Variants in SBSPON observed in about 807,000 individuals in gnomAD.
SBSPON encodes the protein somatomedin-B and thrombospondin type-1 domain-containing protein.
SBSPON carries 30 observed loss-of-function variants against 35.8 expected under a neutral mutation model. That is an observed-to-expected ratio of 0.84 (90% CI 0.63 to 1.14). The LOEUF (loss-of-function observed/expected upper bound fraction) is 1.14. Ranked by LOEUF, SBSPON falls within the 50% of genes most tolerant of loss-of-function variation. The pLI, the probability that SBSPON is intolerant of heterozygous loss-of-function variation, is 0.00. For missense variants in SBSPON, 364 were observed against 357.7 expected (o/e 1.02, Z -0.14); for synonymous variants, 136 against 135.9 (o/e 1.00, Z 0.00).
At chr8:73,090,568 G>T (rs1227211758) in intron 1 of SBSPON, among the ~76,000 whole-genome samples, 3 of 152,332 alleles carry the variant, frequency 2.0e-5, no homozygotes, top group East Asian at 1.9e-4. Flanking sequence ...GGCAGGCTCA[G>T]TCCCACCAAG....
chr8:73,067,243 G>A lies in SBSPON; in HGVS notation c.*98C>T. 1 of 714,472 alleles carries A rather than the reference G, an allele frequency of 1.4e-6. No homozygotes were observed. The highest frequency in any genetic ancestry group is 2.1e-5 in the Admixed American group (1 of 47,034). The allele number at this position is 714,472 out of a possible 1,614,324, so 44.3% of individuals were successfully genotyped here. On this transcript the variant is annotated 3_prime_UTR_variant, in exon 5 of 5. Coordinates refer to ENST00000297354, the MANE Select transcript of SBSPON (RefSeq NM_153225.4). Reference sequence around the variant, plus strand: ...TCAGAGTGTGGCAATGATGTGTTTGGGGACTTTGGCCAAAATTGAAGGTTT... The same window carrying A: ...TCAGAGTGTGGCAATGATGTGTTTGAGGACTTTGGCCAAAATTGAAGGTTT...
chr8:73,082,504 T>C (rs1317736510), intron 1 of SBSPON, among the ~76,000 whole-genome samples: 1 of 152,208 alleles, frequency 6.6e-6, no homozygotes, highest in East Asian at 1.9e-4. Flanking sequence ...AAGGGTCCCA[T>C]GCAACATAAA....
At position 73,064,683 on chromosome 8, in the gene SBSPON, G is replaced by A. The variant is rs1425689644; in HGVS notation, c.*2658C>T. On this transcript the variant is annotated 3_prime_UTR_variant, in exon 5 of 5. Transcript: ENST00000297354. The stretch of plus-strand genomic sequence containing the variant: ...GTTTATGCTTAATTGTAACATTCTC[G>A]AATAAAAACCAAAGCAAAACTCCAA... 7.9e-5 allele frequency: 12 copies of A among 152,000 alleles called. No individual in the cohort carries two copies. The highest frequency in any genetic ancestry group is 1.5e-4 in the African/African-American group (6 of 41,376). The allele number at this position is 152,000 out of a possible 1,614,324, so 9.4% of individuals were successfully genotyped here.
chr8:73,082,382 T>G (rs1301750913), intron 1 of SBSPON, among the ~76,000 whole-genome samples: 1 of 152,210 alleles, frequency 6.6e-6, no homozygotes, highest in East Asian at 1.9e-4. Context: ...ATTCATAATG[T>G]TTCCCACAAG....
intron 2 of SBSPON, among the ~76,000 whole-genome samples, chr8:73,074,935 A>T (rs1476419803): frequency 6.6e-6 from 1 of 152,250 alleles, no homozygotes; most frequent in Non-Finnish European, 1.5e-5. Context: ...TTCATCAGAA[A>T]ACTGAGGCTC....
chr8:73,081,014 A>T lies in SBSPON; in HGVS notation c.409+5T>A, dbSNP rs199870758. On this transcript the variant is annotated splice_donor_5th_base_variant and intron_variant, in intron 2 of 4. Coordinates refer to ENST00000297354, the MANE Select transcript of SBSPON (RefSeq NM_153225.4). ...CAAAGGCAGCAACCATGAAAACATC[A>T]GTACCATAGGTGTGCCCGCAGTCCT... The T allele has an allele frequency of 1.3e-5, 21 of 1,569,522 alleles. No homozygotes were observed. In the African/African-American group the frequency reaches 2.9e-4, roughly 21 times the overall value.
intron 1 of SBSPON, among the ~76,000 whole-genome samples, chr8:73,087,118 G>C (rs1027746006): frequency 2.0e-5 from 3 of 152,170 alleles, no homozygotes; most frequent in Non-Finnish European, 4.4e-5. Context: ...TGCTCACTCT[G>C]TTGGTGTTTA....
chr8:73,088,754 G>T (rs967418646), intron 1 of SBSPON, among the ~76,000 whole-genome samples: 31 of 152,140 alleles, frequency 2.0e-4, no homozygotes, highest in Non-Finnish European at 5.9e-5. Flanking sequence ...AGTAACTGGG[G>T]GTTCTAAGAT....
At chr8:73,074,637 A>C in intron 2 of SBSPON, 1 of 920,598 alleles carries the variant, frequency 1.1e-6, no homozygotes, top group Non-Finnish European at 1.3e-6. Flanking sequence ...CATCTTTCCC[A>C]TGAATTATTT....
chr8:73,080,272 TGGGA>T (rs1359240355), intron 2 of SBSPON, among the ~76,000 whole-genome samples: 3 of 152,086 alleles, frequency 2.0e-5, no homozygotes, highest in Admixed American at 2.0e-4. Context: ...CCCAGCACTT[TGGGA>T]GGCTGAGGCG....
intron 2 of SBSPON, among the ~76,000 whole-genome samples, chr8:73,080,500 G>C (rs1810676016): frequency 6.6e-6 from 1 of 152,150 alleles, no homozygotes; most frequent in African/African-American, 2.4e-5. Flanking sequence ...GGGTGACAGA[G>C]CGAGACTCTG....
chr8:73,076,161 A>G (rs1354232698), intron 2 of SBSPON, among the ~76,000 whole-genome samples: 1 of 152,206 alleles, frequency 6.6e-6, no homozygotes, highest in Admixed American at 6.5e-5. Flanking sequence ...TTTTAGTTCC[A>G]GTAGTCCTTC....
chr8:73,069,714 G>A, intron 4 of SBSPON, 91 bp downstream of exon 4: 1 of 1,062,262 alleles, frequency 9.4e-7, no homozygotes, highest in Non-Finnish European at 1.4e-6. Flanking sequence ...CCCTTGATAT[G>A]TTACATACTG....
intron 1 of SBSPON, among the ~76,000 whole-genome samples, chr8:73,081,683 A>G (rs537974451): frequency 1.2e-4 from 18 of 152,332 alleles, no homozygotes; most frequent in African/African-American, 4.1e-4. Flanking sequence ...TCACCCACCA[A>G]CAATCCCATC....
At chr8:73,092,163 C>G (rs190962059) in intron 1 of SBSPON, among the ~76,000 whole-genome samples, 1 of 152,074 alleles carries the variant, frequency 6.6e-6, no homozygotes, top group African/African-American at 2.4e-5. Flanking sequence ...AAAGACTGAC[C>G]CTAAAGGAAA....
intron 2 of SBSPON, among the ~76,000 whole-genome samples, chr8:73,078,871 C>G (rs1162242613): frequency 1.3e-5 from 2 of 152,052 alleles, no homozygotes; most frequent in East Asian, 3.9e-4. Context: ...CAGTGATCTT[C>G]TCCCCGGCAA....
chr8:73,066,022 G>T lies in SBSPON; in HGVS notation c.*1319C>A, dbSNP rs1810382221. The T allele has an allele frequency of 1.3e-5, 2 of 151,740 alleles. No homozygotes were observed. Among genetic ancestry groups the T allele is most frequent in the South Asian group, 4.2e-4 (2 of 4,754 alleles). The allele number at this position is 151,740 out of a possible 1,614,324, so 9.4% of individuals were successfully genotyped here. A position where few individuals can be genotyped will look rare whatever the true frequency, so the allele number is the denominator to read the frequency against. On this transcript the variant is annotated 3_prime_UTR_variant, in exon 5 of 5. Transcript: ENST00000297354. ...ACTCTCGGTGTTATTAATTATTGGGGAAATCTCCATCCTTATTGCTGTTGT... is the reference window on the plus strand; with the variant it reads ...ACTCTCGGTGTTATTAATTATTGGGTAAATCTCCATCCTTATTGCTGTTGT...
chr8:73,068,790 C>T (rs1368853299), intron 4 of SBSPON, among the ~76,000 whole-genome samples: 1 of 152,172 alleles, frequency 6.6e-6, no homozygotes, highest in Non-Finnish European at 1.5e-5. Context: ...CAAACTAGGA[C>T]CCCGTAGAGG....
intron 1 of SBSPON, among the ~76,000 whole-genome samples, chr8:73,087,924 G>T (rs1478096433): frequency 6.6e-6 from 1 of 152,206 alleles, no homozygotes; most frequent in Admixed American, 6.5e-5. Context: ...AGTTTTCCAA[G>T]AAGTTCTTCC....
Sources: allele counts gnomAD v4.1 joint callset (sites outside exome capture counted in the v4.1 genomes callset), GRCh38; gene constraint gnomAD v4.1.1; transcripts MANE v1.5; gene names NCBI Gene and HGNC (gene_info 2026-07-23, HGNC 2026-07-21).